LIMS1: variants seen among roughly 807,000 people sequenced by gnomAD.
LIMS1 encodes LIM and senescent cell antigen-like-containing domain protein 1.
LIMS1 carries 18 observed loss-of-function variants against 44.1 expected under a neutral mutation model. The ratio of observed to expected loss-of-function variants is 0.41; its 90% confidence interval spans 0.28 to 0.61. The LOEUF (loss-of-function observed/expected upper bound fraction) is 0.61. LIMS1 is among the 20% of genes least tolerant of loss of function. The pLI, the probability that LIMS1 is intolerant of heterozygous loss-of-function variation, is 0.32. For missense variants in LIMS1, 201 were observed against 422.0 expected, an observed-to-expected ratio of 0.48 and a Z score of 4.59; for synonymous variants, 93 against 149.1, an observed-to-expected ratio of 0.62 and a Z score of 2.74.
chr2:108,556,764 G>T (rs1684937799), intron 1 of LIMS1, among the ~76,000 whole-genome samples: 1 of 152,202 alleles, frequency 6.6e-6, no homozygotes, highest in Non-Finnish European at 1.5e-5. Context: ...CTGCTGCCCA[G>T]AAGGAATGCT....
At chr2:108,664,104 G>A (rs1351434728) in intron 2 of LIMS1, among the ~76,000 whole-genome samples, 3 of 152,110 alleles carry the variant, frequency 2.0e-5, no homozygotes, top group Admixed American at 2.0e-4. Context: ...GTTTTACAAA[G>A]AGGTTTCTTC....
intron 1 of LIMS1, among the ~76,000 whole-genome samples, chr2:108,604,198 G>C (rs150552347): frequency 6.6e-6 from 1 of 151,380 alleles, no homozygotes; most frequent in African/African-American, 2.4e-5. Context: ...TTTTTACAGC[G>C]TGTGAGCTAA....
At chr2:108,657,174 C>G (rs1690924499) in intron 1 of LIMS1, among the ~76,000 whole-genome samples, 1 of 143,242 alleles carries the variant, frequency 7.0e-6, no homozygotes, top group African/African-American at 2.6e-5. Context: ...ATGAAGAAAA[C>G]ATGGCCTCCC....
At chr2:108,585,150 CAAAAAAAAA>C (rs35679577) in intron 1 of LIMS1, among the ~76,000 whole-genome samples, 2 of 69,366 alleles carry the variant, frequency 2.9e-5, no homozygotes, top group African/African-American at 5.9e-5. Flanking sequence ...GACTCCGTCT[CAAAAAAAAA>C]AAAAAAAAAA....
intron 1 of LIMS1, chr2:108,654,819 CTG>C (rs1381723414): frequency 2.0e-5 from 22 of 1,125,210 alleles, no homozygotes; most frequent in Non-Finnish European, 2.0e-5. Context: ...CTGACAAAGA[CTG>C]TGTCACTACT....
At chr2:108,535,691 TTAC>T (rs1684111113) in intron 1 of LIMS1, among the ~76,000 whole-genome samples, 2 of 152,338 alleles carry the variant, frequency 1.3e-5, no homozygotes, top group South Asian at 4.1e-4. Flanking sequence ...AAGGTGGTGT[TTAC>T]AAGTTTTCCA....
intron 1 of LIMS1, among the ~76,000 whole-genome samples, chr2:108,547,471 A>G (rs1684519421): frequency 1.3e-5 from 2 of 152,210 alleles, no homozygotes; most frequent in South Asian, 4.1e-4. Flanking sequence ...AGATGCAGAA[A>G]GAGACAGGTA....
chr2:108,580,799 A>G (rs1369210236), intron 1 of LIMS1, among the ~76,000 whole-genome samples: 3 of 152,150 alleles, frequency 2.0e-5, no homozygotes, highest in African/African-American at 7.2e-5. Flanking sequence ...TGCATGGAGG[A>G]GAGAGAGTTT....
intron 1 of LIMS1, among the ~76,000 whole-genome samples, chr2:108,587,290 TTGTGTGTGTGTG>T (rs58815332): frequency 0.033 from 3,486 of 106,024 alleles, 56 homozygotes; most frequent in African/African-American, 0.041. Context: ...TTCTTGGGGT[TTGTGTGTGTGTG>T]TGTGTGTGTG....
chr2:108,680,243 T>C (rs1692866022), intron 8 of LIMS1, among the ~76,000 whole-genome samples: 1 of 151,838 alleles, frequency 6.6e-6, no homozygotes, highest in Admixed American at 6.6e-5. Context: ...GGCACGCACC[T>C]GTAGTCCCAG....
intron 2 of LIMS1, among the ~76,000 whole-genome samples, chr2:108,663,895 C>T (rs1297596664): frequency 1.2e-4 from 18 of 152,060 alleles, no homozygotes; most frequent in Non-Finnish European, 1.5e-5. Context: ...GCTGGGATTA[C>T]AGGCAGGCGC....
chr2:108,609,828 T>G (rs1687488870), intron 1 of LIMS1, among the ~76,000 whole-genome samples: 1 of 151,678 alleles, frequency 6.6e-6, no homozygotes, highest in South Asian at 2.1e-4. Context: ...TCCCCACGGT[T>G]GAAGTTTTTT....
chr2:108,673,251 A>G, intron 5 of LIMS1: 2 of 657,780 alleles, frequency 3.0e-6, no homozygotes, highest in Non-Finnish European at 5.1e-6. Context: ...TATACAGTCC[A>G]CATTCTCGTT....
chr2:108,608,283 T>C (rs1275320769), intron 1 of LIMS1, among the ~76,000 whole-genome samples: 1 of 152,066 alleles, frequency 6.6e-6, no homozygotes. Flanking sequence ...TTTGTGTCAC[T>C]GTGCAAGTTG....
chr2:108,656,499 T>C (rs1331089836), intron 1 of LIMS1, among the ~76,000 whole-genome samples: 1 of 152,244 alleles, frequency 6.6e-6, no homozygotes, highest in Non-Finnish European at 1.5e-5. Context: ...ATCTGTAGTA[T>C]TAAATATAAA....
chr2:108,640,026 A>T (rs1307943342), intron 1 of LIMS1, among the ~76,000 whole-genome samples: 2 of 152,102 alleles, frequency 1.3e-5, no homozygotes, highest in African/African-American at 4.8e-5. Flanking sequence ...GCTTTTAATG[A>T]TTGCACCTTT....
chr2:108,562,365 T>C (rs1685153570), intron 1 of LIMS1, among the ~76,000 whole-genome samples: 1 of 152,218 alleles, frequency 6.6e-6, no homozygotes, highest in Admixed American at 6.5e-5. Context: ...CAAGACAGGC[T>C]GAAAGCTAAG....
At chr2:108,568,808 TGTTAGCTATTTG>T (rs1558790938) in intron 1 of LIMS1, among the ~76,000 whole-genome samples, 1 of 152,220 alleles carries the variant, frequency 6.6e-6, no homozygotes, top group Non-Finnish European at 1.5e-5. Flanking sequence ...TTTATATGCT[TGTTAGCTATTTG>T]TATGTCATCT....
intron 1 of LIMS1, among the ~76,000 whole-genome samples, chr2:108,597,114 G>C (rs1047605240): frequency 1.5e-4 from 23 of 151,422 alleles, no homozygotes; most frequent in African/African-American, 4.4e-4. Flanking sequence ...TCCCCTTGTT[G>C]GCCAGGCTGA....
Sources: allele counts gnomAD v4.1 joint callset (sites outside exome capture counted in the v4.1 genomes callset), GRCh38; gene constraint gnomAD v4.1.1; transcripts MANE v1.5; gene names NCBI Gene and HGNC (gene_info 2026-07-23, HGNC 2026-07-21).